The following RASAL2 variants were observed in gnomAD, a reference collection of about 807,000 sequenced individuals.
The protein encoded by RASAL2 is ras GTPase-activating protein nGAP.
Under a neutral mutation model 128.9 loss-of-function variants are expected in RASAL2, and 58 were observed. The ratio of observed to expected loss-of-function variants is 0.45; its 90% CI spans 0.36 to 0.56. The LOEUF (loss-of-function observed/expected upper bound fraction) is 0.56. RASAL2 is among the 20% of genes least tolerant of loss of function. The probability of loss-of-function intolerance (pLI) is 0.00; values close to 1 mark genes in which losing one functional copy is unlikely to be tolerated. For missense variants in RASAL2, 1,360 were observed against 1,601.6 expected (o/e 0.85, Z 2.57); for synonymous variants, 561 against 580.8 (o/e 0.97, Z 0.49).
At chr1:178,150,342 C>T (rs534055891) in intron 1 of RASAL2, among the ~76,000 whole-genome samples, 7 of 151,986 alleles carry the variant, frequency 4.6e-5, no homozygotes, top group African/African-American at 1.2e-4. Flanking sequence ...TTAGCCCTCA[C>T]GCCTGGCTAA....
At chr1:178,341,634 G>A (rs1172914088) in intron 3 of RASAL2, 8 of 1,613,594 alleles carry the variant, frequency 5.0e-6, no homozygotes, top group Middle Eastern at 1.6e-4. Flanking sequence ...GTCTGAGACC[G>A]AAATGAAAAG....
intron 1 of RASAL2, among the ~76,000 whole-genome samples, chr1:178,160,246 A>G (rs1210770188): frequency 1.1e-4 from 17 of 152,242 alleles, no homozygotes; most frequent in Admixed American, 1.1e-3. Context: ...TTATTACTTT[A>G]TATGATCATC....
At chr1:178,382,426 A>G (rs950228747) in intron 3 of RASAL2, among the ~76,000 whole-genome samples, 2 of 152,182 alleles carry the variant, frequency 1.3e-5, no homozygotes, top group Non-Finnish European at 2.9e-5. Flanking sequence ...TCTCTTTAAA[A>G]TATGAAGAAA....
At chr1:178,111,482 G>A (rs1482934162) in intron 1 of RASAL2, among the ~76,000 whole-genome samples, 1 of 152,142 alleles carries the variant, frequency 6.6e-6, no homozygotes, top group African/African-American at 2.4e-5. Context: ...GCAGTGTGTG[G>A]CAGGTTCCAT....
At chr1:178,147,179 C>G (rs1660759118) in intron 1 of RASAL2, among the ~76,000 whole-genome samples, 1 of 152,098 alleles carries the variant, frequency 6.6e-6, no homozygotes, top group South Asian at 2.1e-4. Context: ...TCTCTATCTT[C>G]TATTCTGCCC....
At chr1:178,344,150 A>T (rs1474706694) in intron 3 of RASAL2, among the ~76,000 whole-genome samples, 1 of 152,158 alleles carries the variant, frequency 6.6e-6, no homozygotes, top group African/African-American at 2.4e-5. Context: ...TCCCATGAAC[A>T]ATCTATATAT....
intron 1 of RASAL2, among the ~76,000 whole-genome samples, chr1:178,132,729 C>A (rs559568427): frequency 1.3e-5 from 2 of 149,066 alleles, no homozygotes; most frequent in Admixed American, 6.7e-5. Context: ...ATTTGTATGT[C>A]ATTTTTGTTG....
intron 5 of RASAL2, among the ~76,000 whole-genome samples, chr1:178,437,257 G>A (rs1437344775): frequency 6.6e-6 from 1 of 152,084 alleles, no homozygotes; most frequent in Non-Finnish European, 1.5e-5. Flanking sequence ...TGCTTCTATG[G>A]AAGACTTGAA....
At chr1:178,347,470 A>C (rs978400180) in intron 3 of RASAL2, among the ~76,000 whole-genome samples, 1 of 152,216 alleles carries the variant, frequency 6.6e-6, no homozygotes, top group Non-Finnish European at 1.5e-5. Flanking sequence ...AATATATAAC[A>C]GGCTCCTACA....
intron 3 of RASAL2, among the ~76,000 whole-genome samples, chr1:178,348,860 C>G (rs1027295708): frequency 1.3e-5 from 2 of 148,996 alleles, no homozygotes; most frequent in African/African-American, 5.0e-5. Flanking sequence ...AGTGCAGTGG[C>G]GCGATCTCGG....
intron 3 of RASAL2, among the ~76,000 whole-genome samples, chr1:178,329,038 T>C (rs988501479): frequency 6.0e-4 from 92 of 152,120 alleles, no homozygotes; most frequent in African/African-American, 2.1e-3. Context: ...TTAATTCCTA[T>C]TATGTGCCAC....
chr1:178,349,534 G>A (rs913736847), intron 3 of RASAL2, among the ~76,000 whole-genome samples: 14 of 151,972 alleles, frequency 9.2e-5, no homozygotes, highest in African/African-American at 3.4e-4. Flanking sequence ...GCTTGTGGAT[G>A]TATCCTCAAA....
chr1:178,335,929 A>G (rs1183574356), intron 3 of RASAL2, among the ~76,000 whole-genome samples: 4 of 151,914 alleles, frequency 2.6e-5, no homozygotes, highest in East Asian at 1.9e-4. Context: ...AGGAAAAAAA[A>G]AAACCCAAAA....
intron 1 of RASAL2, among the ~76,000 whole-genome samples, chr1:178,268,466 C>CA (rs889130520): frequency 3.5e-4 from 52 of 149,216 alleles, no homozygotes; most frequent in Admixed American, 6.0e-4. Context: ...GCCTCCATCT[C>CA]AAAAAAAAAG....
chr1:178,409,275 G>C (rs1674203225), intron 4 of RASAL2, among the ~76,000 whole-genome samples: 1 of 152,116 alleles, frequency 6.6e-6, no homozygotes, highest in Non-Finnish European at 1.5e-5. Context: ...CTAAATACCA[G>C]ATATCAGACC....
chr1:178,302,408 A>G (rs567060943), intron 3 of RASAL2, among the ~76,000 whole-genome samples: 1 of 152,364 alleles, frequency 6.6e-6, no homozygotes, highest in Non-Finnish European at 1.5e-5. Flanking sequence ...TTAATATAGC[A>G]TCATGATAAC....
intron 1 of RASAL2, chr1:178,125,582 A>G (rs1659865092): frequency 6.6e-6 from 1 of 152,196 alleles, no homozygotes. Flanking sequence ...CAGAAGAATA[A>G]CAGTATACTT....
intron 1 of RASAL2, among the ~76,000 whole-genome samples, chr1:178,155,395 G>T (rs1661048980): frequency 6.7e-6 from 1 of 148,928 alleles, no homozygotes; most frequent in African/African-American, 2.5e-5. Context: ...AAAAATTTAA[G>T]GCATTTTTAG....
chr1:178,253,054 T>TA (rs1665128834), intron 1 of RASAL2, among the ~76,000 whole-genome samples: 1 of 152,140 alleles, frequency 6.6e-6, no homozygotes, highest in South Asian at 2.1e-4. Context: ...GCTAGAAGCT[T>TA]AAAATCTAGG....
Sources: gnomAD v4.1 joint callset for allele counts (sites outside exome capture counted in the v4.1 genomes callset) on GRCh38, gnomAD v4.1.1 for gene constraint, MANE v1.5 for transcripts, NCBI Gene and HGNC (gene_info 2026-07-23, HGNC 2026-07-21) for gene names.